The following IL1RAPL1 variants were observed in gnomAD, a reference collection of about 807,000 sequenced individuals.
The protein encoded by IL1RAPL1 is interleukin-1 receptor accessory protein-like 1.
Under a neutral mutation model 48.4 loss-of-function variants are expected in IL1RAPL1, and 3 were observed. The observed-to-expected ratio is 0.06, with a 90% CI of 0.03 to 0.16. IL1RAPL1 has a LOEUF of 0.16. Ranked by LOEUF, IL1RAPL1 falls within the 10% of genes least tolerant of loss-of-function variation. The probability of loss-of-function intolerance (pLI) is 1.00; values close to 1 mark genes in which losing one functional copy is unlikely to be tolerated. For missense variants in IL1RAPL1, 349 were observed against 530.6 expected, an observed-to-expected ratio of 0.66 and a Z score of 3.36; for synonymous variants, 185 against 187.7, an observed-to-expected ratio of 0.99 and a Z score of 0.12.
At chrX:28,813,624 A>G (rs1367143836) in intron 2 of IL1RAPL1, among the ~76,000 whole-genome samples, 1 of 111,049 alleles carries the variant, frequency 9.0e-6, no homozygotes, top group Non-Finnish European at 1.9e-5. Flanking sequence ...TTACTGATGT[A>G]GGAGATGTTT....
intron 5 of IL1RAPL1, among the ~76,000 whole-genome samples, chrX:29,427,670 A>G (rs1364499523): frequency 9.0e-6 from 1 of 111,338 alleles, no homozygotes; most frequent in Admixed American, 9.6e-5. Context: ...GTCTGCCAGG[A>G]TGCAAAAATG....
At chrX:29,074,541 AAC>A (rs1310972328) in intron 2 of IL1RAPL1, among the ~76,000 whole-genome samples, 1 of 112,387 alleles carries the variant, frequency 8.9e-6, no homozygotes, top group Non-Finnish European at 1.9e-5. Flanking sequence ...CGTACTGCAA[AAC>A]ACAGGTTTGA....
chrX:29,891,041 T>C (rs12835711), intron 6 of IL1RAPL1, among the ~76,000 whole-genome samples: 34,059 of 110,727 alleles, frequency 0.31, 5,823 homozygotes, highest in African/African-American at 0.65. Context: ...CTTGCTATCC[T>C]TTCTTCCAGT....
intron 3 of IL1RAPL1, among the ~76,000 whole-genome samples, chrX:29,285,695 A>G (rs957214849): frequency 2.7e-5 from 3 of 111,468 alleles, no homozygotes; most frequent in African/African-American, 9.8e-5. Flanking sequence ...TATGTGTGTC[A>G]AGTGGCAATC....
chrX:29,537,775 T>C (rs1406976754), intron 5 of IL1RAPL1, among the ~76,000 whole-genome samples: 1 of 111,590 alleles, frequency 9.0e-6, no homozygotes, highest in Non-Finnish European at 1.9e-5. Flanking sequence ...TGGGAACATG[T>C]TGAAGGAGGC....
chrX:28,667,353 C>G (rs1031998833), intron 1 of IL1RAPL1, among the ~76,000 whole-genome samples: 1 of 111,963 alleles, frequency 8.9e-6, no homozygotes, highest in Non-Finnish European at 1.9e-5. Context: ...TGGTTTTGTA[C>G]TGCAGCTCTA....
intron 1 of IL1RAPL1, among the ~76,000 whole-genome samples, chrX:28,656,753 G>T (rs1029269623): frequency 9.0e-6 from 1 of 111,680 alleles, no homozygotes; most frequent in Non-Finnish European, 1.9e-5. Flanking sequence ...ACGGCCGGGC[G>T]TGGTGGCTCA....
intron 2 of IL1RAPL1, among the ~76,000 whole-genome samples, chrX:29,005,210 C>T (rs1925947871): frequency 8.9e-6 from 1 of 111,910 alleles, no homozygotes; most frequent in Non-Finnish European, 1.9e-5. Context: ...ACATGATCTA[C>T]TAATTCATTA....
At chrX:29,639,103 G>C (rs959411846) in intron 5 of IL1RAPL1, among the ~76,000 whole-genome samples, 5 of 107,799 alleles carry the variant, frequency 4.6e-5, no homozygotes, top group Non-Finnish European at 9.6e-5. Flanking sequence ...GGAGAATGGC[G>C]TGAACCCAGG....
intron 1 of IL1RAPL1, among the ~76,000 whole-genome samples, chrX:28,607,286 C>T (rs1447444642): frequency 3.6e-5 from 4 of 110,698 alleles, no homozygotes; most frequent in African/African-American, 1.3e-4. Flanking sequence ...CAGAGGCTTA[C>T]ATTACATTTG....
chrX:29,904,327 TTAAA>T (rs921739817), intron 6 of IL1RAPL1, among the ~76,000 whole-genome samples: 11 of 109,749 alleles, frequency 1.0e-4, no homozygotes, highest in African/African-American at 3.7e-4. Context: ...TAGCTTGGAC[TTAAA>T]TAAAGATAAA....
chrX:29,562,129 TC>T (rs1922251659), intron 5 of IL1RAPL1, among the ~76,000 whole-genome samples: 1 of 91,242 alleles, frequency 1.1e-5, no homozygotes, highest in African/African-American at 4.4e-5. Context: ...TATCTATCTA[TC>T]TATCTATCTA....
intron 2 of IL1RAPL1, among the ~76,000 whole-genome samples, chrX:29,271,578 C>T (rs1216731201): frequency 1.8e-5 from 2 of 111,909 alleles, no homozygotes; most frequent in East Asian, 5.6e-4. Context: ...GAAATAATAT[C>T]TCATTGTGGT....
chrX:29,122,396 T>TC (rs1928806682), intron 2 of IL1RAPL1, among the ~76,000 whole-genome samples: 2 of 71,352 alleles, frequency 2.8e-5, no homozygotes, highest in African/African-American at 1.2e-4. Flanking sequence ...CTCTCTCTCT[T>TC]TCTCTCTCTC....
chrX:29,626,253 A>G (rs1283441438), intron 5 of IL1RAPL1, among the ~76,000 whole-genome samples: 3 of 112,093 alleles, frequency 2.7e-5, no homozygotes, highest in Non-Finnish European at 5.6e-5. Context: ...CTATTTTATT[A>G]GCCCCAAATA....
chrX:29,758,524 T>C (rs1454369680), intron 6 of IL1RAPL1, among the ~76,000 whole-genome samples: 1 of 109,870 alleles, frequency 9.1e-6, no homozygotes, highest in Non-Finnish European at 1.9e-5. Flanking sequence ...GAAACCCCCG[T>C]CTCTACTAAA....
intron 2 of IL1RAPL1, among the ~76,000 whole-genome samples, chrX:28,963,236 C>T (rs539336641): frequency 1.8e-5 from 2 of 111,067 alleles, no homozygotes; most frequent in South Asian, 7.5e-4. Context: ...CTTTTGAGTG[C>T]AACTTGTTTT....
At chrX:28,729,717 G>T (rs1025490710) in intron 1 of IL1RAPL1, among the ~76,000 whole-genome samples, 1 of 111,545 alleles carries the variant, frequency 9.0e-6, no homozygotes, top group Non-Finnish European at 1.9e-5. Flanking sequence ...TAGGGATGAG[G>T]CCGGGTGTGG....
intron 2 of IL1RAPL1, among the ~76,000 whole-genome samples, chrX:29,012,616 T>C (rs941951462): frequency 8.9e-6 from 1 of 111,967 alleles, no homozygotes; most frequent in Non-Finnish European, 1.9e-5. Flanking sequence ...GCACAACATT[T>C]ATGGGGACAA....
Sources: allele counts gnomAD v4.1 joint callset (sites outside exome capture counted in the v4.1 genomes callset), GRCh38; gene constraint gnomAD v4.1.1; transcripts MANE v1.5; gene names NCBI Gene and HGNC (gene_info 2026-07-23, HGNC 2026-07-21).